RBMS3: variants seen among roughly 807,000 people sequenced by gnomAD.
The protein encoded by RBMS3 is RNA binding motif single stranded interacting protein 3.
RBMS3 carries 27 observed loss-of-function variants against 66.8 expected under a neutral mutation model. That is an observed-to-expected ratio of 0.40 (90% CI 0.30 to 0.56). The LOEUF (loss-of-function observed/expected upper bound fraction) is 0.56, where lower values mean the gene tolerates loss of function less well. Ranked by LOEUF, RBMS3 falls within the 20% of genes least tolerant of loss-of-function variation. The pLI is 0.40. For missense variants in RBMS3, 513 were observed against 549.5 expected, an observed-to-expected ratio of 0.93 and a Z score of 0.66; for synonymous variants, 188 against 183.0, an observed-to-expected ratio of 1.03 and a Z score of -0.22.
At chr3:29,360,872 C>CT (rs2037541244) in intron 1 of RBMS3, among the ~76,000 whole-genome samples, 1 of 151,922 alleles carries the variant, frequency 6.6e-6, no homozygotes, top group Admixed American at 6.6e-5. Context: ...ATTGCAACCC[C>CT]TGCCTTTTTT....
At chr3:29,844,971 A>G (rs1015032040) in intron 6 of RBMS3, among the ~76,000 whole-genome samples, 6 of 152,220 alleles carry the variant, frequency 3.9e-5, no homozygotes, top group African/African-American at 7.2e-5. Flanking sequence ...AGGAGACCAC[A>G]CCATCTATAG....
At chr3:29,685,569 C>T (rs2051695576) in intron 4 of RBMS3, among the ~76,000 whole-genome samples, 1 of 152,058 alleles carries the variant, frequency 6.6e-6, no homozygotes, top group African/African-American at 2.4e-5. Flanking sequence ...TTCCGGTTTC[C>T]TCCTTCCCTC....
At chr3:29,859,476 G>C (rs1228929795) in intron 6 of RBMS3, among the ~76,000 whole-genome samples, 2 of 152,154 alleles carry the variant, frequency 1.3e-5, no homozygotes, top group Admixed American at 1.3e-4. Flanking sequence ...TTGTAACTTT[G>C]CCACCAACTA....
Position 29,762,904 on chromosome 3 carries a change from T to A in RBMS3, c.558-6T>A, listed in dbSNP as rs2577124. 14,639 of 1,593,406 alleles carry A rather than the reference T, an allele frequency of 9.2e-3. 83 individuals carry two copies. The highest frequency in any genetic ancestry group is 0.011 in the Non-Finnish European group (12,721 of 1,165,422). On this transcript the variant is annotated splice_region_variant and splice_polypyrimidine_tract_variant and intron_variant, in intron 5 of 14. Transcript: ENST00000383767. ...ATATGACCTCTGGTTTACCTTTTTTTCCCAGAATGGAGTCTACTGAAAAAT... is the reference window on the plus strand; with the variant it reads ...ATATGACCTCTGGTTTACCTTTTTTACCCAGAATGGAGTCTACTGAAAAAT...
intron 4 of RBMS3, 31 bp downstream of exon 4, chr3:29,587,236 T>TTTG (rs776659586): frequency 1.3e-6 from 1 of 778,470 alleles, no homozygotes; most frequent in Non-Finnish European, 1.8e-6. Flanking sequence ...TGTTTTTTTT[T>TTTG]TTTTTTTTTT....
chr3:29,854,965 G>A (rs1307364209), intron 6 of RBMS3, among the ~76,000 whole-genome samples: 2 of 152,128 alleles, frequency 1.3e-5, no homozygotes, highest in Non-Finnish European at 2.9e-5. Flanking sequence ...CATAGCTCCA[G>A]GAAAATGGCC....
intron 4 of RBMS3, among the ~76,000 whole-genome samples, chr3:29,650,393 C>T (rs527279601): frequency 1.3e-5 from 2 of 150,442 alleles, no homozygotes; most frequent in South Asian, 4.2e-4. Flanking sequence ...GGGGCTCAAA[C>T]AATCCTCCTT....
intron 2 of RBMS3, among the ~76,000 whole-genome samples, chr3:29,464,325 C>T (rs943427541): frequency 4.6e-5 from 7 of 152,150 alleles, no homozygotes; most frequent in South Asian, 4.2e-4. Flanking sequence ...GCTGAATAGC[C>T]GACTGCAGGG....
chr3:29,439,220 C>T (rs2041518011), intron 2 of RBMS3, among the ~76,000 whole-genome samples: 1 of 152,086 alleles, frequency 6.6e-6, no homozygotes, highest in Non-Finnish European at 1.5e-5. Context: ...ATGTTAGAAG[C>T]TTGATTTATC....
At chr3:29,474,579 T>TG (rs1481837299) in intron 2 of RBMS3, among the ~76,000 whole-genome samples, 2 of 152,232 alleles carry the variant, frequency 1.3e-5, no homozygotes, top group African/African-American at 2.4e-5. Flanking sequence ...ACCTATTTTG[T>TG]GCTGTGTTTT....
chr3:29,333,371 G>C (rs1358605630), intron 1 of RBMS3, among the ~76,000 whole-genome samples: 1 of 152,082 alleles, frequency 6.6e-6, no homozygotes, highest in Non-Finnish European at 1.5e-5. Flanking sequence ...GCACTATAAT[G>C]TAGCATCAGC....
chr3:29,954,055 A>G (rs1695865548), intron 12 of RBMS3, among the ~76,000 whole-genome samples: 1 of 151,750 alleles, frequency 6.6e-6, no homozygotes, highest in African/African-American at 2.4e-5. Flanking sequence ...TCTATCCCAG[A>G]TGCACCTTAT....
At chr3:29,741,802 C>A (rs1403679191) in intron 5 of RBMS3, among the ~76,000 whole-genome samples, 1 of 152,150 alleles carries the variant, frequency 6.6e-6, no homozygotes, top group East Asian at 1.9e-4. Context: ...CTTCTTGTGA[C>A]ACCTTTCTTC....
In RBMS3 at chr3:29,655,211, G is replaced by A. The variant is rs151134109; in HGVS notation, c.399+68006G>A. ...TCCCTGGGTGGAAGAACAATGGCTTGTGAATACTAAGTGGCATTTGAATCA... is the reference window on the plus strand; with the variant it reads ...TCCCTGGGTGGAAGAACAATGGCTTATGAATACTAAGTGGCATTTGAATCA... On this transcript the variant is annotated intron_variant, in intron 4 of 14. Coordinates refer to ENST00000383767, the MANE Select transcript of RBMS3 (RefSeq NM_001003793.3). 2.4e-3 allele frequency among the ~76,000 whole-genome samples: 367 copies of A among 152,298 alleles called. 1 individual carries two copies. The highest frequency in any genetic ancestry group is 8.6e-3 in the African/African-American group (358 of 41,572).
chr3:29,481,385 T>A (rs969216205), intron 2 of RBMS3, among the ~76,000 whole-genome samples: 1 of 152,112 alleles, frequency 6.6e-6, no homozygotes, highest in Non-Finnish European at 1.5e-5. Flanking sequence ...GTTCTGGAGA[T>A]GGGGTACTGT....
chr3:30,004,133 C>A lies in RBMS3; in HGVS notation c.*271C>A, dbSNP rs12493052. The A allele has an allele frequency of 0.022, 6,190 of 281,350 alleles. 172 individuals carry two copies. Among genetic ancestry groups the A allele is most frequent in the African/African-American group, 0.088 (3,893 of 44,472 alleles). The allele number at this position is 281,350 out of a possible 1,614,324, so 17.4% of individuals were successfully genotyped here. ...AAGAGGAAAAAAAAACTACAAAAAA[C>A]AAAACATTGAAGGTTGATATTTTAT... On this transcript the variant is annotated 3_prime_UTR_variant, in exon 15 of 15. Transcript: ENST00000383767.
In RBMS3 at chr3:29,300,959, A is replaced by G. The variant is rs148339357; in HGVS notation, c.75+19203A>G. 4.4e-4 allele frequency among the ~76,000 whole-genome samples: 67 copies of G among 152,116 alleles called. No individual in the cohort carries two copies. The East Asian group carries it at 0.012, about 27-fold the overall frequency. Reference sequence around the variant, plus strand: ...TAACCCTGAGTAAGTATAGATAGGGAAGCACAAAACATGTGGGACCAGAGA... The same window carrying G: ...TAACCCTGAGTAAGTATAGATAGGGGAGCACAAAACATGTGGGACCAGAGA... On this transcript the variant is annotated intron_variant, in intron 1 of 14. Coordinates refer to ENST00000383767, the MANE Select transcript of RBMS3 (RefSeq NM_001003793.3).
At chr3:29,926,743 G>C (rs2149669531) in intron 10 of RBMS3, 1 of 152,314 alleles carries the variant, frequency 6.6e-6, no homozygotes, top group Non-Finnish European at 1.5e-5. Context: ...TGGGAACCCT[G>C]TTTGCCTTAT....
intron 1 of RBMS3, among the ~76,000 whole-genome samples, chr3:29,426,651 C>A (rs1271433950): frequency 6.6e-6 from 1 of 152,194 alleles, no homozygotes; most frequent in Non-Finnish European, 1.5e-5. Flanking sequence ...CAGCTTAGTT[C>A]TTAATGAAAA....
Sources: gnomAD v4.1 joint callset for allele counts (sites outside exome capture counted in the v4.1 genomes callset) on GRCh38, gnomAD v4.1.1 for gene constraint, MANE v1.5 for transcripts, NCBI Gene and HGNC (gene_info 2026-07-23, HGNC 2026-07-21) for gene names.